The following DNMT1 variants were observed in gnomAD, a reference collection of about 807,000 sequenced individuals.
DNMT1 encodes the protein DNA (cytosine-5)-methyltransferase 1.
In DNMT1, 24 loss-of-function variants were observed where a neutral mutation model predicts 205.3. The ratio of observed to expected loss-of-function variants is 0.12; its 90% CI spans 0.08 to 0.16. The LOEUF is 0.16. DNMT1 is among the 10% of genes least tolerant of loss of function. DNMT1 has a pLI of 1.00. For synonymous variants in DNMT1, 817 were observed against 839.8 expected, an observed-to-expected ratio of 0.97 and a Z score of 0.47; for missense variants, 1,293 against 2,177.7, an observed-to-expected ratio of 0.59 and a Z score of 8.09.
Position 10,143,753 on chromosome 19 carries a change from G to A in DNMT1, c.3116+13C>T. On this transcript the variant is annotated intron_variant, in intron 29 of 40. Transcript: ENST00000359526. The stretch of plus-strand genomic sequence containing the variant: ...GTCTGTGGCCTCGTGGAAGAACAGA[G>A]GCCTCTGCTGACCTGTAGAACTTGT... The A allele has an allele frequency of 1.2e-6, 2 of 1,613,986 alleles. No individual in the cohort carries two copies. Among genetic ancestry groups the A allele is most frequent in the Non-Finnish European group, 1.7e-6 (2 of 1,179,892 alleles).
intron 5 of DNMT1, among the ~76,000 whole-genome samples, chr19:10,179,456 A>C (rs990892509): frequency 1.3e-5 from 2 of 151,934 alleles, no homozygotes; most frequent in African/African-American, 4.8e-5. Context: ...GTGGTCTCGA[A>C]CTCCTGACCT....
chr19:10,135,949 ATGGCCT>A, intron 38 of DNMT1, 97 bp from the exon 39 acceptor site: 1 of 1,495,324 alleles, frequency 6.7e-7, no homozygotes, highest in South Asian at 1.2e-5. Context: ...GCATACGGCC[ATGGCCT>A]TGGCCTATGA....
intron 6 of DNMT1, among the ~76,000 whole-genome samples, chr19:10,175,837 C>T (rs1334310481): frequency 1.3e-5 from 2 of 152,190 alleles, no homozygotes; most frequent in East Asian, 1.9e-4. Flanking sequence ...AGAGACCTCA[C>T]ACACCTTTCT....
intron 27 of DNMT1, 115 bp downstream of exon 27, chr19:10,148,769 A>G: frequency 1.3e-6 from 2 of 1,579,778 alleles, no homozygotes; most frequent in South Asian, 1.1e-5. Context: ...TTGACGAGCA[A>G]GAGACACAAA....
Position 10,143,862 on chromosome 19 carries a change from T to C in DNMT1, c.3020A>G (p.Tyr1007Cys), listed in dbSNP as rs776149246. 1 of 1,614,062 alleles carries C rather than the reference T, an allele frequency of 6.2e-7. No homozygotes were observed. Among genetic ancestry groups the C allele is most frequent in the African/African-American group, 1.3e-5 (1 of 74,930 alleles). The change falls in exon 29 of 41, where the codon TAC becomes TGC. Residue 1007 changes from tyrosine to cysteine, a missense_variant. Tyr to Cys is a radical substitution (Grantham distance 194, BLOSUM62 -2). Around this residue, in one of 13 missense-constraint regions of DNMT1, gnomAD observed 167 missense variants for 258.1 expected, o/e 0.65. Coordinates refer to ENST00000359526, the MANE Select transcript of DNMT1 (RefSeq NM_001130823.3). The stretch of plus-strand genomic sequence containing the variant: ...GATCTCTTTGATCCGGCCAATTCGG[T>C]AGGGCTCAGGGGCATCCAGGTTGCT... Reference protein sequence around the residue: ...KGSNLDAPEPYRIGRIKEIFC... With the variant: ...KGSNLDAPEPCRIGRIKEIFC...
rs2038456334 is a variant in DNMT1, at chr19:10,156,313, CT to C, written c.1399+77del. ...CCTCTGGCCTCAGACCCCCAAAGTG[CT>C]AGGATTACAGATGTGAGCCACCCTG... On this transcript the variant is annotated intron_variant, in intron 18 of 40. Transcript: ENST00000359526. This position sits in a 1 kb window ranked among gnomAD's most constrained non-coding sequence, Gnocchi z 4.2. The C allele has an allele frequency of 2.5e-6, 3 of 1,186,028 alleles. No homozygotes were observed. The Admixed American group carries it at 5.1e-5, about 20-fold the overall frequency. The allele number at this position is 1,186,028 out of a possible 1,614,324, so 73.5% of individuals were successfully genotyped here. A position where few individuals can be genotyped will look rare whatever the true frequency, so the allele number is the denominator to read the frequency against.
rs1037636262 is a variant in DNMT1 at position 10,154,936 on chromosome 19, G to A, written c.1613C>T (p.Ser538Leu). 9.3e-6 allele frequency: 15 copies of A among 1,614,084 alleles called. No individual in the cohort carries two copies. Among genetic ancestry groups the A allele is most frequent in the African/African-American group, 4.0e-5 (3 of 74,926 alleles). The part of the protein sequence containing the change: ...VVEFLQSNSD[S>L]TYEDLINKIE... ...CTTGTTGATCAGGTCCTCATAGGTC[G>A]AGTCGGAATTGCTCTGCAGGAACTC... Residue 538 changes from serine to leucine, a missense_variant, in exon 20 of 41, where the codon TCG becomes TTG. Ser to Leu is a moderately radical substitution (Grantham distance 145, BLOSUM62 -2). Transcript: ENST00000359526. This position sits in a 1 kb window ranked among gnomAD's most constrained non-coding sequence, Gnocchi z 6.3.
chr19:10,147,660 C>T (rs1208222797), intron 27 of DNMT1, among the ~76,000 whole-genome samples: 1 of 152,006 alleles, frequency 6.6e-6, no homozygotes, highest in South Asian at 2.1e-4. Context: ...AAAGCTAGCA[C>T]GAGACTTATG....
rs1438495443 is a variant in DNMT1, at chr19:10,134,269, A to G, written c.4812T>C (p.Ile1604=). ...ACATACAAAGCTTGATCTCCAAGCCAATGGCTTTGGCCAGGGGCGGTGGCA... is the reference window on the plus strand; with the variant it reads ...ACATACAAAGCTTGATCTCCAAGCCGATGGCTTTGGCCAGGGGCGGTGGCA... ...NAVPPPLAKA[I]GLEIKLCMLA... Residue 1604 remains isoleucine (I), a synonymous_variant, in exon 40 of 41, where the codon ATT becomes ATC. Coordinates refer to ENST00000359526, the MANE Select transcript of DNMT1 (RefSeq NM_001130823.3). The G allele has an allele frequency of 6.2e-7, 1 of 1,614,058 alleles. No homozygotes were observed. The highest frequency in any genetic ancestry group is 2.2e-5 in the East Asian group (1 of 44,900).
chr19:10,193,467 GA>G (rs1027166115), intron 1 of DNMT1, among the ~76,000 whole-genome samples: 17 of 148,752 alleles, frequency 1.1e-4, no homozygotes, highest in African/African-American at 3.9e-4. Context: ...GGGCTCAAGT[GA>G]TACTCCCACC....
rs369740245 is a variant in DNMT1 at position 10,159,931 on chromosome 19, G to A, written c.1090-9C>T. 6 of 1,614,090 alleles carry A rather than the reference G, an allele frequency of 3.7e-6. No homozygotes were observed. Among genetic ancestry groups the A allele is most frequent in the African/African-American group, 2.7e-5 (2 of 74,950 alleles). ...CACTTGGGAGGGTGGGTCTGTGGGA[G>A]CAGGAACACAGATGATGGCACTCAG... On this transcript the variant is annotated splice_polypyrimidine_tract_variant and intron_variant, in intron 15 of 40. Coordinates refer to ENST00000359526, the MANE Select transcript of DNMT1 (RefSeq NM_001130823.3). The surrounding 1 kb of genome is among the most constrained non-coding windows in gnomAD (Gnocchi z 5.0).
chr19:10,177,456 A>G (rs1451038659), intron 5 of DNMT1, 89 bp from the exon 6 acceptor site: 1 of 1,274,022 alleles, frequency 7.8e-7, no homozygotes, highest in Admixed American at 2.2e-5. Flanking sequence ...AACATTACTA[A>G]GCTATTGCAG....
rs376635817 is a variant in DNMT1 at position 10,169,744 on chromosome 19, C to T, written c.769-1380G>A. Among the ~76,000 whole-genome samples, 5 of 152,046 alleles carry T rather than the reference C, an allele frequency of 3.3e-5. No individual in the cohort carries two copies. In the East Asian group the frequency reaches 7.8e-4, roughly 24 times the overall value. On this transcript the variant is annotated intron_variant, in intron 9 of 40. Coordinates refer to ENST00000359526, the MANE Select transcript of DNMT1 (RefSeq NM_001130823.3). ...TCGCACCACTGCACTCCAGCCTGGG[C>T]GACAGAGTGAGACTCCGTCTCAAAT...
In DNMT1 at chr19:10,194,928, G is replaced by A. The variant is rs375646953; in HGVS notation, c.-29C>T. 1.3e-6 allele frequency: 2 copies of A among 1,590,446 alleles called. No individual in the cohort carries two copies. Among genetic ancestry groups the A allele is most frequent in the East Asian group, 4.5e-5 (2 of 44,154 alleles). On this transcript the variant is annotated 5_prime_UTR_variant, in exon 1 of 41. Coordinates refer to ENST00000359526, the MANE Select transcript of DNMT1 (RefSeq NM_001130823.3). ...GGAGGCTTCAGCAGACGCGGCGGCG[G>A]CAGCGCAGGCGCCCCGGCTTTTCGC...
chr19:10,180,619 A>C (rs575847230), intron 3 of DNMT1, 50 bp from the exon 4 acceptor site: 2 of 1,584,762 alleles, frequency 1.3e-6, no homozygotes, highest in Non-Finnish European at 1.7e-6. Context: ...AACAAGTGTC[A>C]GAGAACAAGG....
At chr19:10,180,005 A>G (rs1012254669) in intron 5 of DNMT1, 182 bp downstream of exon 5, 25 of 200,766 alleles carry the variant, frequency 1.2e-4, no homozygotes, top group South Asian at 8.4e-4. Context: ...AAAAAAAAAA[A>G]AGAAAGAAAG....
chr19:10,164,435 G>A lies in DNMT1; in HGVS notation c.892-1075C>T, dbSNP rs187403516. On this transcript the variant is annotated intron_variant, in intron 11 of 40. Transcript: ENST00000359526. ...TGGGATTATAGGCGTGAGACACCGC[G>A]CCTGGCTTACAAAAAATAAGTTTAA... is the stretch of plus-strand genomic sequence containing the variant. 1.6e-3 allele frequency among the ~76,000 whole-genome samples: 246 copies of A among 152,204 alleles called. 1 individual carries two copies. Among genetic ancestry groups the A allele is most frequent in the African/African-American group, 4.6e-3 (193 of 41,546 alleles).
At chr19:10,171,104 G>A (rs1042851874) in intron 9 of DNMT1, among the ~76,000 whole-genome samples, 34 of 151,818 alleles carry the variant, frequency 2.2e-4, no homozygotes, top group Non-Finnish European at 1.9e-4. Flanking sequence ...CACCACACCC[G>A]GCCCTCAGTC....
At position 10,140,637 on chromosome 19, in the gene DNMT1, G is replaced by C; in HGVS notation, c.3523+144C>G. The C allele has an allele frequency of 6.9e-7, 1 of 1,456,518 alleles. No homozygotes were observed. Among genetic ancestry groups the C allele is most frequent in the South Asian group, 1.2e-5 (1 of 86,384 alleles). The allele number at this position is 1,456,518 out of a possible 1,614,324, so 90.2% of individuals were successfully genotyped here. The stretch of plus-strand genomic sequence containing the variant: ...CCCACCTCGGCCTCCCAAAGTGCTG[G>C]GATTACAGGCGTGCGCCACCGTGCC... On this transcript the variant is annotated intron_variant, in intron 32 of 40. Coordinates refer to ENST00000359526, the MANE Select transcript of DNMT1 (RefSeq NM_001130823.3). This position sits in a 1 kb window ranked among gnomAD's most constrained non-coding sequence, Gnocchi z 8.4.
Sources: gnomAD v4.1 joint callset for allele counts (sites outside exome capture counted in the v4.1 genomes callset) on GRCh38, gnomAD v4.1.1 for gene constraint, gnomAD v4.1.1 regional missense constraint, Gnocchi (gnomAD v3.1) non-coding constraint, MANE v1.5 for transcripts, NCBI Gene and HGNC (gene_info 2026-07-23, HGNC 2026-07-21) for gene names.